NKAIN2: variants seen among roughly 807,000 people sequenced by gnomAD.
The protein encoded by NKAIN2 is sodium/potassium transporting ATPase interacting 2, also known as sodium/potassium-transporting ATPase subunit beta-1-interacting protein 2.
In NKAIN2, 14 loss-of-function variants were observed where a neutral mutation model predicts 32.6. That is an observed-to-expected ratio of 0.43 (90% CI 0.28 to 0.67). The LOEUF (loss-of-function observed/expected upper bound fraction) is 0.67, where lower values mean the gene tolerates loss of function less well. Among genes scored for constraint, NKAIN2 ranks in the 30% least tolerant of loss-of-function variants. The pLI, the probability that NKAIN2 is intolerant of heterozygous loss-of-function variation, is 0.17. For missense variants in NKAIN2, 198 were observed against 258.3 expected, an observed-to-expected ratio of 0.77 and a Z score of 1.60; for synonymous variants, 80 against 87.2, an observed-to-expected ratio of 0.92 and a Z score of 0.46.
intron 1 of NKAIN2, among the ~76,000 whole-genome samples, chr6:124,183,546 T>C (rs1200902713): frequency 1.3e-5 from 2 of 152,134 alleles, no homozygotes; most frequent in Non-Finnish European, 2.9e-5. Flanking sequence ...TTATATTTAG[T>C]AATGATGGAT....
rs778195136 is a variant in NKAIN2 at position 124,283,068 on chromosome 6, A to G, written c.118A>G (p.Asn40Asp). The G allele has an allele frequency of 6.2e-7, 1 of 1,611,828 alleles. No individual in the cohort carries two copies. Among genetic ancestry groups the G allele is most frequent in the Non-Finnish European group, 8.5e-7 (1 of 1,178,008 alleles). ...ATATCAGTGGGCACCTATCCTGGCA[A>G]ATTTTGTACATATTATTATCGTCAT... ...LGYQWAPILA[N>D]FVHIIIVILG... The change falls in exon 2 of 7, where the codon AAT becomes GAT. Residue 40 changes from asparagine (N) to aspartate (D), a missense_variant. Coordinates refer to ENST00000368417, the MANE Select transcript of NKAIN2 (RefSeq NM_001040214.3).
chr6:124,592,482 T>C (rs966404415), intron 3 of NKAIN2, among the ~76,000 whole-genome samples: 1 of 152,190 alleles, frequency 6.6e-6, no homozygotes, highest in African/African-American at 2.4e-5. Context: ...ATCTTTTGCA[T>C]AATTATTTTG....
intron 1 of NKAIN2, among the ~76,000 whole-genome samples, chr6:124,091,941 G>T (rs1784443084): frequency 6.6e-6 from 1 of 151,902 alleles, no homozygotes; most frequent in African/African-American, 2.4e-5. Context: ...CAAACTCAGG[G>T]CGTCTTACTT....
chr6:123,811,434 G>A lies in NKAIN2; in HGVS notation c.54+7180G>A, dbSNP rs1409114643. Reference sequence around the variant, plus strand: ...GGGGTGGGGGTTGTGGGGGGGTGGGGGAGAGAGGGAGAGAGAAAGAGAGAG... The same window carrying A: ...GGGGTGGGGGTTGTGGGGGGGTGGGAGAGAGAGGGAGAGAGAAAGAGAGAG... On this transcript the variant is annotated intron_variant, in intron 1 of 6. Transcript: ENST00000368417. Among the ~76,000 whole-genome samples, 27 of 69,630 alleles carry A rather than the reference G, an allele frequency of 3.9e-4. No homozygotes were observed. In the East Asian group the frequency reaches 0.023, roughly 59 times the overall value. The allele number at this position is 69,630 out of a possible 152,430, so 45.7% of individuals were successfully genotyped here.
At chr6:124,164,638 C>A (rs921696032) in intron 1 of NKAIN2, among the ~76,000 whole-genome samples, 1 of 151,824 alleles carries the variant, frequency 6.6e-6, no homozygotes, top group Non-Finnish European at 1.5e-5. Context: ...ATCTTTTTTT[C>A]TTTCAATTTA....
At chr6:124,508,307 A>T (rs186131286) in intron 3 of NKAIN2, among the ~76,000 whole-genome samples, 1 of 151,978 alleles carries the variant, frequency 6.6e-6, no homozygotes, top group East Asian at 1.9e-4. Flanking sequence ...TCAATTAGTC[A>T]GAGAAAATGA....
chr6:124,677,848 T>C (rs1773434667), intron 4 of NKAIN2, among the ~76,000 whole-genome samples: 1 of 152,142 alleles, frequency 6.6e-6, no homozygotes, highest in Non-Finnish European at 1.5e-5. Context: ...TCTAGCATCC[T>C]TTCATTTCCA....
intron 1 of NKAIN2, among the ~76,000 whole-genome samples, chr6:124,266,245 G>T (rs1794488497): frequency 6.6e-6 from 1 of 151,988 alleles, no homozygotes; most frequent in South Asian, 2.1e-4. Context: ...TATCTGTTAG[G>T]TCAAACTCTA....
chr6:124,013,968 T>C (rs1466752185), intron 1 of NKAIN2, among the ~76,000 whole-genome samples: 1 of 152,188 alleles, frequency 6.6e-6, no homozygotes, highest in East Asian at 1.9e-4. Context: ...GGTTTTAGTC[T>C]AGGGGTGATT....
intron 1 of NKAIN2, among the ~76,000 whole-genome samples, chr6:123,961,717 T>C (rs1166951153): frequency 6.6e-6 from 1 of 152,208 alleles, no homozygotes; most frequent in East Asian, 1.9e-4. Flanking sequence ...TTGATAATAG[T>C]GTAGGGCACA....
chr6:124,498,960 G>A (rs962181531), intron 3 of NKAIN2, among the ~76,000 whole-genome samples: 5 of 152,090 alleles, frequency 3.3e-5, no homozygotes, highest in Non-Finnish European at 5.9e-5. Flanking sequence ...TAGAGATGGG[G>A]TTTTGCTGTG....
intron 3 of NKAIN2, among the ~76,000 whole-genome samples, chr6:124,570,986 A>T (rs1056370494): frequency 6.6e-6 from 1 of 152,216 alleles, no homozygotes; most frequent in Non-Finnish European, 1.5e-5. Flanking sequence ...CACATTTTGC[A>T]TCAGTGTGAC....
At chr6:124,376,058 A>G (rs1391160958) in intron 3 of NKAIN2, among the ~76,000 whole-genome samples, 1 of 152,180 alleles carries the variant, frequency 6.6e-6, no homozygotes, top group East Asian at 1.9e-4. Context: ...AACAGTTTTG[A>G]GATTTGAAGT....
chr6:124,398,061 C>T (rs750773633), intron 3 of NKAIN2, among the ~76,000 whole-genome samples: 1 of 151,224 alleles, frequency 6.6e-6, no homozygotes, highest in Non-Finnish European at 1.5e-5. Flanking sequence ...AGACCATCCT[C>T]GCTAACACGG....
intron 2 of NKAIN2, among the ~76,000 whole-genome samples, chr6:124,342,726 T>A (rs1798189806): frequency 6.6e-6 from 1 of 151,736 alleles, no homozygotes. Context: ...AGGCTGGTCT[T>A]GAACTCCTGG....
chr6:124,556,630 C>G (rs1046516322), intron 3 of NKAIN2, among the ~76,000 whole-genome samples: 2 of 152,144 alleles, frequency 1.3e-5, no homozygotes, highest in African/African-American at 4.8e-5. Context: ...TAAATCTCTT[C>G]TATTCATAAA....
At chr6:124,516,619 C>A (rs1255733600) in intron 3 of NKAIN2, among the ~76,000 whole-genome samples, 1 of 152,138 alleles carries the variant, frequency 6.6e-6, no homozygotes, top group African/African-American at 2.4e-5. Context: ...TCTCACTAAA[C>A]ACATTTGTGT....
intron 4 of NKAIN2, among the ~76,000 whole-genome samples, chr6:124,731,099 C>T (rs1281998197): frequency 1.0e-3 from 140 of 140,256 alleles, no homozygotes; most frequent in Admixed American, 8.7e-3. Context: ...AGGAACACTT[C>T]TACACTGTTG....
intron 3 of NKAIN2, among the ~76,000 whole-genome samples, chr6:124,570,531 A>G (rs1781086497): frequency 6.6e-6 from 1 of 152,194 alleles, no homozygotes; most frequent in African/African-American, 2.4e-5. Flanking sequence ...TGTACAGCTC[A>G]GACTGTGGCT....
Sources: gnomAD v4.1 joint callset for allele counts (sites outside exome capture counted in the v4.1 genomes callset) on GRCh38, gnomAD v4.1.1 for gene constraint, MANE v1.5 for transcripts, NCBI Gene and HGNC (gene_info 2026-07-23, HGNC 2026-07-21) for gene names.